The following SLC30A8 variants were observed in gnomAD, a reference collection of about 807,000 sequenced individuals.
SLC30A8 encodes proton-coupled zinc antiporter SLC30A8.
In SLC30A8, 27 loss-of-function variants were observed where a neutral mutation model predicts 36.9. That is an observed-to-expected ratio of 0.73 (90% CI 0.54 to 1.01). The LOEUF is 1.01. SLC30A8 is among the 50% of genes least tolerant of loss of function. The probability of loss-of-function intolerance (pLI) is 0.00; values close to 1 mark genes in which losing one functional copy is unlikely to be tolerated. For synonymous variants in SLC30A8, 164 were observed against 172.4 expected (o/e 0.95, Z 0.38); for missense variants, 439 against 452.0 (o/e 0.97, Z 0.26).
chr8:117,063,674 GA>G (rs1241944140), intron 2 of SLC30A8, among the ~76,000 whole-genome samples: 1 of 152,188 alleles, frequency 6.6e-6, no homozygotes, highest in East Asian at 1.9e-4. Flanking sequence ...ATTCTACCTT[GA>G]GAAGGAGAAG....
chr8:117,125,869 G>T (rs1418923363), intron 2 of SLC30A8, among the ~76,000 whole-genome samples: 1 of 151,946 alleles, frequency 6.6e-6, no homozygotes, highest in Non-Finnish European at 1.5e-5. Flanking sequence ...AGTAAAAGAA[G>T]AGGCAATATA....
At chr8:117,017,526 C>G (rs7011188) in intron 1 of SLC30A8, among the ~76,000 whole-genome samples, 32 of 152,156 alleles carry the variant, frequency 2.1e-4, no homozygotes, top group South Asian at 1.7e-3. Context: ...AAGCAAGGCA[C>G]CAGCCAACAC....
chr8:117,138,057 T>C (rs1821442977), intron 1 of SLC30A8, among the ~76,000 whole-genome samples: 1 of 104,820 alleles, frequency 9.5e-6, no homozygotes. Flanking sequence ...GGGTTCATTG[T>C]AGCAAAAAAA....
intron 1 of SLC30A8, among the ~76,000 whole-genome samples, chr8:117,138,776 C>T (rs1026478539): frequency 2.6e-5 from 4 of 151,932 alleles, no homozygotes; most frequent in Non-Finnish European, 5.9e-5. Context: ...ATTCAGTGCT[C>T]CACTTGTGGA....
intron 1 of SLC30A8, among the ~76,000 whole-genome samples, chr8:117,139,058 G>A (rs1821509768): frequency 6.6e-6 from 1 of 152,028 alleles, no homozygotes; most frequent in Non-Finnish European, 1.5e-5. Context: ...CAAGATAGTG[G>A]CAGACCAGCT....
intron 2 of SLC30A8, among the ~76,000 whole-genome samples, chr8:117,101,262 T>C (rs1157851046): frequency 2.6e-5 from 4 of 152,212 alleles, no homozygotes; most frequent in Non-Finnish European, 4.4e-5. Context: ...TCTGAATTTT[T>C]ATCTTGCACA....
At chr8:117,042,737 A>G (rs1640563552) in intron 2 of SLC30A8, among the ~76,000 whole-genome samples, 1 of 151,216 alleles carries the variant, frequency 6.6e-6, no homozygotes, top group Non-Finnish European at 1.5e-5. Context: ...GTGCAGTGGC[A>G]TGATCTTGGA....
At chr8:116,953,894 G>C (rs1563720056) in intron 1 of SLC30A8, among the ~76,000 whole-genome samples, 1 of 152,140 alleles carries the variant, frequency 6.6e-6, no homozygotes, top group African/African-American at 2.4e-5. Flanking sequence ...GATTTAAGTA[G>C]AGGATTCTCA....
At position 117,152,970 on chromosome 8, in the gene SLC30A8, G is replaced by A. The variant is rs1563630081; in HGVS notation, c.298G>A (p.Val100Ile). The A allele has an allele frequency of 6.2e-7, 1 of 1,611,936 alleles. No individual in the cohort carries two copies. The highest frequency in any genetic ancestry group is 8.5e-7 in the Non-Finnish European group (1 of 1,178,450). ...VGGHIAGSLA[V>I]VTDAAHLLID... ...TGGGCACATTGCTGGGAGTCTTGCTGTTGTCACAGATGCTGCCCACCTCTT... is the reference window on the plus strand; with the variant it reads ...TGGGCACATTGCTGGGAGTCTTGCTATTGTCACAGATGCTGCCCACCTCTT... Residue 100 changes from valine (V) to isoleucine (I), a missense_variant, in exon 3 of 8, where the codon GTT becomes ATT. By Grantham distance (29) the Val-to-Ile change is conservative (BLOSUM62 3). Transcript: ENST00000456015.
At chr8:117,066,297 C>G (rs929113262) in intron 2 of SLC30A8, among the ~76,000 whole-genome samples, 1 of 152,174 alleles carries the variant, frequency 6.6e-6, no homozygotes, top group African/African-American at 2.4e-5. Flanking sequence ...CAAGGAGGCT[C>G]TCACTCTACC....
At chr8:117,090,007 C>G (rs1478689901) in intron 2 of SLC30A8, among the ~76,000 whole-genome samples, 1 of 152,006 alleles carries the variant, frequency 6.6e-6, no homozygotes, top group Non-Finnish European at 1.5e-5. Flanking sequence ...CATTCTCACT[C>G]TGTTGGCCAG....
At chr8:117,069,154 AG>A (rs1306569118) in intron 2 of SLC30A8, among the ~76,000 whole-genome samples, 7 of 152,352 alleles carry the variant, frequency 4.6e-5, no homozygotes, top group African/African-American at 1.7e-4. Flanking sequence ...TAAAAAAACA[AG>A]AAAGTAAACA....
chr8:117,165,019 A>C (rs1033719366), intron 6 of SLC30A8, among the ~76,000 whole-genome samples: 1 of 152,180 alleles, frequency 6.6e-6, no homozygotes, highest in African/African-American at 2.4e-5. Flanking sequence ...AAAATGGTTG[A>C]AGAACTACTG....
intron 1 of SLC30A8, among the ~76,000 whole-genome samples, chr8:116,966,858 C>A (rs1236147635): frequency 2.0e-5 from 3 of 152,162 alleles, no homozygotes; most frequent in African/African-American, 7.2e-5. Flanking sequence ...TTGAATCTCA[C>A]AAAACACTTT....
intron 2 of SLC30A8, among the ~76,000 whole-genome samples, chr8:117,152,736 A>G (rs1034242156): frequency 2.6e-5 from 4 of 152,164 alleles, no homozygotes; most frequent in Admixed American, 6.5e-5. Flanking sequence ...TACCCCAGGA[A>G]TGGCTTCTCC....
intron 1 of SLC30A8, among the ~76,000 whole-genome samples, chr8:117,014,328 G>A (rs1816439694): frequency 6.6e-6 from 1 of 152,166 alleles, no homozygotes; most frequent in Non-Finnish European, 1.5e-5. Flanking sequence ...TAACAAGGGT[G>A]TAACAAATGA....
intron 2 of SLC30A8, among the ~76,000 whole-genome samples, chr8:117,128,873 G>A (rs1481526223): frequency 7.9e-5 from 12 of 152,048 alleles, no homozygotes; most frequent in East Asian, 1.9e-4. Flanking sequence ...AAATTGGGGC[G>A]GAAAGAAGCA....
chr8:117,163,603 C>A, intron 6 of SLC30A8, 73 bp downstream of exon 6: 1 of 1,078,700 alleles, frequency 9.3e-7, no homozygotes, highest in Non-Finnish European at 1.3e-6. Context: ...GGAATGGCTA[C>A]AAGGCATGCT....
At chr8:117,099,811 G>C (rs776632820) in intron 2 of SLC30A8, among the ~76,000 whole-genome samples, 3 of 152,202 alleles carry the variant, frequency 2.0e-5, no homozygotes, top group Non-Finnish European at 2.9e-5. Flanking sequence ...CATTAAATGA[G>C]ATGACATGTA....
Sources: allele counts gnomAD v4.1 joint callset (sites outside exome capture counted in the v4.1 genomes callset), GRCh38; gene constraint gnomAD v4.1.1; transcripts MANE v1.5; gene names NCBI Gene and HGNC (gene_info 2026-07-23, HGNC 2026-07-21).